PCYT2: variants seen among roughly 807,000 people sequenced by gnomAD.
PCYT2 encodes ethanolamine-phosphate cytidylyltransferase.
In PCYT2, 33 loss-of-function variants were observed where a neutral mutation model predicts 50.0. That is an observed-to-expected ratio of 0.66 (90% CI 0.50 to 0.88). The LOEUF is 0.88. PCYT2 is among the 40% of genes least tolerant of loss of function. The probability of loss-of-function intolerance (pLI) is 0.00; values close to 1 mark genes in which losing one functional copy is unlikely to be tolerated. For missense variants in PCYT2, 430 were observed against 519.7 expected (o/e 0.83, Z 1.68); for synonymous variants, 240 against 203.7 (o/e 1.18, Z -1.52).
chr17:81,905,684 G>A lies in PCYT2; in HGVS notation c.889C>T (p.Leu297=). ...CGGAGCCTCACCTTGAAGTGACTTA[G>A]GAGCTCTGCTGTGACCGCGTACGGG... ...GAPYAVTAEL[L]SHFKVDLVCH... The change falls in exon 10 of 13, where the codon CTA becomes TTA. Residue 297 remains leucine, a synonymous_variant. Transcript: ENST00000538936. 1 of 1,613,568 alleles carries A rather than the reference G, an allele frequency of 6.2e-7. No homozygotes were observed. Among genetic ancestry groups the A allele is most frequent in the Non-Finnish European group, 8.5e-7 (1 of 1,179,930 alleles).
intron 6 of PCYT2, chr17:81,907,100 A>AG: frequency 8.9e-7 from 1 of 1,121,450 alleles, no homozygotes; most frequent in South Asian, 1.5e-5. Context: ...AGCAGACACC[A>AG]CTTCAGCCCA....
chr17:81,905,588 G>T, intron 10 of PCYT2, 82 bp downstream of exon 10: 1 of 1,488,290 alleles, frequency 6.7e-7, no homozygotes, highest in Non-Finnish European at 9.4e-7. Context: ...CCGCCTAGGA[G>T]CCCACAGCCA....
In PCYT2 at chr17:81,907,194, G is replaced by A; in HGVS notation, c.538-296C>T. On this transcript the variant is annotated intron_variant, in intron 6 of 12. Coordinates refer to ENST00000538936, the MANE Select transcript of PCYT2 (RefSeq NM_002861.5). ...AGGGACCTGGTACCCTGAGACCACT[G>A]TCTGGTCACCTGGGAGCAGCCTTCT... The A allele has an allele frequency of 2.0e-6, 3 of 1,528,328 alleles. No individual in the cohort carries two copies. In the South Asian group the frequency reaches 3.6e-5, roughly 18 times the overall value. The allele number at this position is 1,528,328 out of a possible 1,614,324, so 94.7% of individuals were successfully genotyped here.
chr17:81,904,573 GT>G lies in PCYT2; in HGVS notation c.*259del. 1 of 481,082 alleles carries G rather than the reference GT, an allele frequency of 2.1e-6. No homozygotes were observed. Among genetic ancestry groups the G allele is most frequent in the Non-Finnish European group, 3.7e-6 (1 of 269,644 alleles). 29.8% of individuals were successfully genotyped at this position (481,082 alleles called of 1,614,324 possible). On this transcript the variant is annotated 3_prime_UTR_variant, in exon 13 of 13. Transcript: ENST00000538936. ...GTGGGGGCGCACGCAGGAGCGGTGC[GT>G]TTCAGGCTGCAGGTGCCGTCTGCCC...
intron 9 of PCYT2, 164 bp downstream of exon 9, chr17:81,905,936 T>A (rs1189770781): frequency 2.7e-6 from 2 of 746,750 alleles, no homozygotes; most frequent in Non-Finnish European, 4.5e-6. Context: ...CCCCTCCTCA[T>A]GCCTCAACAA....
chr17:81,902,204 G>C lies in PCYT2; in HGVS notation c.*2629C>G, dbSNP rs2039978420. On this transcript the variant is annotated 3_prime_UTR_variant, in exon 13 of 13. Transcript: ENST00000538936. ...TCCGCAGCCTCGGCCCGCCCTCGCCGCAGATATAAGGCGGCCCAGGCGGTG... is the reference window on the plus strand; with the variant it reads ...TCCGCAGCCTCGGCCCGCCCTCGCCCCAGATATAAGGCGGCCCAGGCGGTG... 8.4e-7 allele frequency: 1 copy of C among 1,185,678 alleles called. No individual in the cohort carries two copies. Among genetic ancestry groups the C allele is most frequent in the Non-Finnish European group, 1.0e-6 (1 of 954,676 alleles). The allele number at this position is 1,185,678 out of a possible 1,614,324, so 73.4% of individuals were successfully genotyped here. A position where few individuals can be genotyped will look rare whatever the true frequency, so the allele number is the denominator to read the frequency against.
chr17:81,906,939 C>T, intron 6 of PCYT2, 41 bp from the exon 7 acceptor site: 1 of 1,599,560 alleles, frequency 6.3e-7, no homozygotes, highest in Non-Finnish European at 8.5e-7. Context: ...GGGGAGGCCT[C>T]CCAGGTGCTG....
In PCYT2 at chr17:81,906,779, A is replaced by C. The variant is rs768421542; in HGVS notation, c.657T>G (p.Ala219=). 6.2e-7 allele frequency: 1 copy of C among 1,613,386 alleles called. No individual in the cohort carries two copies. The highest frequency in any genetic ancestry group is 8.5e-7 in the Non-Finnish European group (1 of 1,179,948). ...GGATACGGAACAGGTCGAAGGCACC[A>C]GCCACATAGATGACTGTCTCCCCTG... ...PQPGETVIYV[A]GAFDLFHIGH... The change falls in exon 7 of 13, where the codon GCT becomes GCG. Residue 219 remains alanine (A), a synonymous_variant. Transcript: ENST00000538936.
Position 81,902,854 on chromosome 17 carries a change from C to A in PCYT2, c.*1979G>T. On this transcript the variant is annotated 3_prime_UTR_variant, in exon 13 of 13. Transcript: ENST00000538936. ...ATGGCGCCCCAGGTCTCCCCTACTC[C>A]GCTCACCCCGCAGTTAATGGCAAAC... is the stretch of plus-strand genomic sequence containing the variant. The A allele has an allele frequency of 1.0e-6, 1 of 970,728 alleles. No homozygotes were observed. Among genetic ancestry groups the A allele is most frequent in the Non-Finnish European group, 1.5e-6 (1 of 680,116 alleles). The allele number at this position is 970,728 out of a possible 1,614,324, so 60.1% of individuals were successfully genotyped here.
chr17:81,909,631 C>G (rs758058400), intron 1 of PCYT2, 29 bp from the exon 2 acceptor site: 1 of 1,579,880 alleles, frequency 6.3e-7, no homozygotes, highest in Admixed American at 1.7e-5. Context: ...TGGGTGGTCC[C>G]TGTGCCAAGG....
intron 6 of PCYT2, chr17:81,907,297 C>T (rs1048997892): frequency 6.7e-7 from 1 of 1,490,750 alleles, no homozygotes; most frequent in South Asian, 1.2e-5. Flanking sequence ...GGTTAGAGGC[C>T]ACCTGTCCAC....
Position 81,902,141 on chromosome 17 carries a change from C to T in PCYT2, c.*2692G>A. The T allele has an allele frequency of 1.2e-6, 1 of 820,286 alleles. No individual in the cohort carries two copies. Among genetic ancestry groups the T allele is most frequent in the Non-Finnish European group, 1.6e-6 (1 of 629,780 alleles). The allele number at this position is 820,286 out of a possible 1,614,324, so 50.8% of individuals were successfully genotyped here. On this transcript the variant is annotated 3_prime_UTR_variant, in exon 13 of 13. Coordinates refer to ENST00000538936, the MANE Select transcript of PCYT2 (RefSeq NM_002861.5). ...GGTGCGACGGCTCCTCCGCGCGCGC[C>T]CGCTGCACCCCAGCCCGCCCGCCGC...
At chr17:81,909,235 G>C in intron 2 of PCYT2, 198 bp from the exon 3 acceptor site, 1 of 1,431,236 alleles carries the variant, frequency 7.0e-7, no homozygotes, top group Non-Finnish European at 9.1e-7. Flanking sequence ...CAAAGGCAGA[G>C]ATTCCTTCTG....
rs759582812 is a variant in PCYT2, at chr17:81,906,921, G to T, written c.538-23C>A. 4.4e-6 allele frequency: 7 copies of T among 1,608,412 alleles called. No homozygotes were observed. In the Admixed American group the frequency reaches 1.2e-4, roughly 27 times the overall value. On this transcript the variant is annotated intron_variant, in intron 6 of 12. Coordinates refer to ENST00000538936, the MANE Select transcript of PCYT2 (RefSeq NM_002861.5). ...GCACTGCAAGCCAAGAGAGGGAGCAGGTTGGCGGGGGAGGCCTCCCAGGTG... is the reference window on the plus strand; with the variant it reads ...GCACTGCAAGCCAAGAGAGGGAGCATGTTGGCGGGGGAGGCCTCCCAGGTG...
chr17:81,904,896 G>C lies in PCYT2; in HGVS notation c.1107C>G (p.Ala369=). The change falls in exon 13 of 13, where the codon GCC becomes GCG. Residue 369 remains alanine (A), a synonymous_variant. Transcript: ENST00000538936. ...CCTGCTGCCTGGCAGCCTCCAGGAA[G>C]GCCAGCTCCTTGGCTTCCTTCTTCT... ...RNQKKEAKEL[A]FLEAARQQAA... 1 of 1,613,144 alleles carries C rather than the reference G, an allele frequency of 6.2e-7. No homozygotes were observed. The highest frequency in any genetic ancestry group is 1.1e-5 in the South Asian group (1 of 91,042).
intron 1 of PCYT2, among the ~76,000 whole-genome samples, chr17:81,910,398 C>T (rs906119776): frequency 6.6e-6 from 1 of 152,256 alleles, no homozygotes; most frequent in Non-Finnish European, 1.5e-5. Context: ...CCACTGCACA[C>T]CACTGCTTCC....
intron 8 of PCYT2, 94 bp downstream of exon 8, chr17:81,906,370 C>T: frequency 2.9e-6 from 4 of 1,372,776 alleles, no homozygotes; most frequent in Non-Finnish European, 4.1e-6. Flanking sequence ...CCTGGGGCCC[C>T]TTCCCAGAGA....
In PCYT2 at chr17:81,907,273, G is replaced by C; in HGVS notation, c.537+281C>G. 3.3e-6 allele frequency: 5 copies of C among 1,528,176 alleles called. No individual in the cohort carries two copies. In the South Asian group the frequency reaches 6.0e-5, roughly 18 times the overall value. The allele number at this position is 1,528,176 out of a possible 1,614,324, so 94.7% of individuals were successfully genotyped here. A position where few individuals can be genotyped will look rare whatever the true frequency, so the allele number is the denominator to read the frequency against. ...GGTGAGGGGGCTACAATGGGAGAGA[G>C]GGCCAGGCCACTTGGTTAGAGGCCA... On this transcript the variant is annotated intron_variant, in intron 6 of 12. Coordinates refer to ENST00000538936, the MANE Select transcript of PCYT2 (RefSeq NM_002861.5).
chr17:81,905,960 G>A, intron 9 of PCYT2, 140 bp downstream of exon 9: 1 of 778,074 alleles, frequency 1.3e-6, no homozygotes, highest in Non-Finnish European at 2.1e-6. Context: ...GGTATGGGCA[G>A]GTGCCACAGA....
Sources: allele counts gnomAD v4.1 joint callset (sites outside exome capture counted in the v4.1 genomes callset), GRCh38; gene constraint gnomAD v4.1.1; transcripts MANE v1.5; gene names NCBI Gene and HGNC (gene_info 2026-07-23, HGNC 2026-07-21).